Variants in BAIAP2 observed in about 807,000 individuals in gnomAD.
BAIAP2 encodes BAR/IMD domain containing adaptor protein 2.
BAIAP2 carries 18 observed loss-of-function variants against 63.0 expected under a neutral mutation model. That is an observed-to-expected ratio of 0.29 (90% CI 0.20 to 0.42). BAIAP2 has a LOEUF of 0.42. Among genes scored for constraint, BAIAP2 ranks in the 10% least tolerant of loss-of-function variants. The pLI is 1.00. For missense variants in BAIAP2, 610 were observed against 734.3 expected, an observed-to-expected ratio of 0.83 and a Z score of 1.96; for synonymous variants, 386 against 307.6, an observed-to-expected ratio of 1.25 and a Z score of -2.67.
At chr17:81,108,632 AC>A (rs2059468964) in intron 13 of BAIAP2, 123 bp downstream of exon 13, 2 of 1,308,808 alleles carry the variant, frequency 1.5e-6, no homozygotes, top group Admixed American at 4.0e-5. Flanking sequence ...CTGGCCCTTC[AC>A]CCCTGTCAGA....
intron 1 of BAIAP2, among the ~76,000 whole-genome samples, chr17:81,038,398 C>T (rs999318153): frequency 6.6e-6 from 1 of 152,218 alleles, no homozygotes; most frequent in Admixed American, 6.5e-5. Flanking sequence ...TGTGGCGGCT[C>T]CACCACCTTC....
At chr17:81,110,548 G>C in intron 13 of BAIAP2, 3 of 1,137,158 alleles carry the variant, frequency 2.6e-6, no homozygotes, top group Non-Finnish European at 3.2e-6. Context: ...GGTTCCCGGC[G>C]TGCGTCTTTG....
At position 81,108,601 on chromosome 17, in the gene BAIAP2, T is replaced by A. The variant is rs2059462053; in HGVS notation, c.1535+92T>A. The A allele has an allele frequency of 1.3e-5, 19 of 1,519,960 alleles. 1 individual carries two copies. In the South Asian group the frequency reaches 2.1e-4, roughly 17 times the overall value. 94.2% of individuals were successfully genotyped at this position (1,519,960 alleles called of 1,614,324 possible). A position where few individuals can be genotyped will look rare whatever the true frequency, so the allele number is the denominator to read the frequency against. On this transcript the variant is annotated intron_variant, in intron 13 of 13. Coordinates refer to ENST00000428708, the MANE Select transcript of BAIAP2 (RefSeq NM_001144888.2). The stretch of plus-strand genomic sequence containing the variant: ...CCCTCTGCTAGGACCTGGGGCCACC[T>A]CTTTTCCTTTAGGGCCCAGCCTGGC...
At chr17:81,062,163 C>G (rs935849417) in intron 3 of BAIAP2, among the ~76,000 whole-genome samples, 1 of 152,162 alleles carries the variant, frequency 6.6e-6, no homozygotes, top group Admixed American at 6.6e-5. Flanking sequence ...GTTGTCCAGG[C>G]TGCTCTCAAA....
At chr17:81,069,792 C>G (rs116850883) in intron 3 of BAIAP2, among the ~76,000 whole-genome samples, 7 of 152,342 alleles carry the variant, frequency 4.6e-5, no homozygotes, top group Non-Finnish European at 1.0e-4. Flanking sequence ...TCGGTGGACA[C>G]CTCTGGTCTC....
chr17:81,055,578 T>TTTG (rs1219654680), intron 2 of BAIAP2, among the ~76,000 whole-genome samples: 2 of 146,036 alleles, frequency 1.4e-5, no homozygotes, highest in South Asian at 2.2e-4. Flanking sequence ...TGTTTTGTTT[T>TTTG]TTTTTGAGAC....
chr17:81,114,311 C>T (rs2060266107), intron 13 of BAIAP2, among the ~76,000 whole-genome samples: 2 of 152,024 alleles, frequency 1.3e-5, no homozygotes, highest in South Asian at 4.1e-4. Context: ...CCCTCCGGAC[C>T]CTGGGCCTGC....
chr17:81,071,939 T>C (rs1297274008), intron 3 of BAIAP2, among the ~76,000 whole-genome samples: 1 of 152,224 alleles, frequency 6.6e-6, no homozygotes, highest in Non-Finnish European at 1.5e-5. Context: ...GGGCATCTTG[T>C]TCCATTTCCT....
chr17:81,053,364 T>G, intron 1 of BAIAP2: 1 of 351,712 alleles, frequency 2.8e-6, no homozygotes, highest in Non-Finnish European at 5.2e-6. Flanking sequence ...TGAGCGCCAG[T>G]TGTATTCTGC....
chr17:81,107,056 G>A (rs963576915), intron 12 of BAIAP2, 149 bp downstream of exon 12: 5 of 986,436 alleles, frequency 5.1e-6, no homozygotes, highest in Non-Finnish European at 7.2e-6. Context: ...CATGATTTGG[G>A]AATGTGTACA....
rs551246262 is a variant in BAIAP2 at position 81,035,434 on chromosome 17, G to A, written c.54+126G>A. The A allele has an allele frequency of 1.7e-3, 778 of 459,314 alleles. 3 individuals are homozygous for A. The highest frequency in any genetic ancestry group is 0.016 in the African/African-American group (749 of 46,770). 28.5% of individuals were successfully genotyped at this position (459,314 alleles called of 1,614,324 possible). Reference sequence around the variant, plus strand: ...GCCGGGCCAGGAGGCTGGGACTTTGGGGGTCTTCCCGGCGCGGCCACCCGG... The same window carrying A: ...GCCGGGCCAGGAGGCTGGGACTTTGAGGGTCTTCCCGGCGCGGCCACCCGG... On this transcript the variant is annotated intron_variant, in intron 1 of 13. Coordinates refer to ENST00000428708, the MANE Select transcript of BAIAP2 (RefSeq NM_001144888.2).
intron 1 of BAIAP2, among the ~76,000 whole-genome samples, chr17:81,047,707 C>A (rs1184458373): frequency 6.6e-6 from 1 of 152,110 alleles, no homozygotes; most frequent in Middle Eastern, 3.4e-3. Flanking sequence ...CGCACGGGTC[C>A]ACATGCGTCC....
intron 3 of BAIAP2, among the ~76,000 whole-genome samples, chr17:81,078,383 G>A (rs181232376): frequency 0.023 from 3,201 of 141,212 alleles, 10 homozygotes; most frequent in Non-Finnish European, 0.037. Flanking sequence ...CTGTGGGTGC[G>A]GGTGCCGTAT....
chr17:81,088,925 C>T (rs1402887530), intron 6 of BAIAP2, among the ~76,000 whole-genome samples: 2 of 152,236 alleles, frequency 1.3e-5, no homozygotes, highest in Non-Finnish European at 2.9e-5. Context: ...AGGCTGGAGC[C>T]AGAGGCCTGA....
intron 3 of BAIAP2, among the ~76,000 whole-genome samples, chr17:81,076,060 G>A (rs1396045127): frequency 6.6e-6 from 1 of 152,126 alleles, no homozygotes; most frequent in Non-Finnish European, 1.5e-5. Flanking sequence ...GCTCCTGCTG[G>A]GGTCAGGGGC....
At chr17:81,111,195 G>C (rs1319154816) in intron 13 of BAIAP2, among the ~76,000 whole-genome samples, 1 of 152,238 alleles carries the variant, frequency 6.6e-6, no homozygotes, top group African/African-American at 2.4e-5. Flanking sequence ...GCTGTGCCCG[G>C]GGCTCCTCTC....
intron 3 of BAIAP2, among the ~76,000 whole-genome samples, chr17:81,072,791 G>A (rs555122499): frequency 1.5e-4 from 23 of 152,024 alleles, no homozygotes; most frequent in African/African-American, 5.5e-4. Context: ...TATGAGAAGG[G>A]GCCATTGGTG....
intron 1 of BAIAP2, among the ~76,000 whole-genome samples, chr17:81,053,019 G>T (rs945016617): frequency 2.8e-4 from 42 of 152,342 alleles, no homozygotes; most frequent in Admixed American, 2.1e-3. Context: ...TGTTGTTTGT[G>T]TGTGCCTGTT....
intron 3 of BAIAP2, among the ~76,000 whole-genome samples, chr17:81,066,943 G>A (rs1234303019): frequency 6.6e-6 from 1 of 152,202 alleles, no homozygotes; most frequent in African/African-American, 2.4e-5. Flanking sequence ...GCCTTGCCTT[G>A]TAGGCTGCCA....
Sources: gnomAD v4.1 joint callset for allele counts (sites outside exome capture counted in the v4.1 genomes callset) on GRCh38, gnomAD v4.1.1 for gene constraint, MANE v1.5 for transcripts, NCBI Gene and HGNC (gene_info 2026-07-23, HGNC 2026-07-21) for gene names.